Variants in UMAD1 observed in about 807,000 individuals in gnomAD.
UMAD1 encodes UBAP1-MVB12-associated (UMA)-domain containing protein 1.
Under a neutral mutation model 6.1 loss-of-function variants are expected in UMAD1, and 8 were observed. The ratio of observed to expected loss-of-function variants is 1.30; its 90% CI spans 0.76 to 2.35. The LOEUF is 2.35. Ranked by LOEUF, UMAD1 falls within the 30% of genes most tolerant of loss-of-function variation. The pLI, the probability that UMAD1 is intolerant of heterozygous loss-of-function variation, is 0.00. For synonymous variants in UMAD1, 56 were observed against 31.4 expected (o/e 1.78, Z -2.61); for missense variants, 130 against 78.4 (o/e 1.66, Z -2.49).
intron 2 of UMAD1, chr7:7,687,384 A>G (rs28912731): frequency 2.6e-5 from 4 of 152,200 alleles, no homozygotes; most frequent in East Asian, 1.9e-4. Context: ...GACCCTGGGC[A>G]GTTCAGTGAA....
At chr7:7,863,676 G>A (rs2348764) in intron 3 of UMAD1, among the ~76,000 whole-genome samples, 122,546 of 152,076 alleles carry the variant, frequency 0.81, 50,044 homozygotes, top group African/African-American at 0.93. Context: ...TTTCCTTCTT[G>A]CATCAAGAGC....
At chr7:7,803,015 CTG>C (rs1782833425) in intron 3 of UMAD1, among the ~76,000 whole-genome samples, 1 of 152,176 alleles carries the variant, frequency 6.6e-6, no homozygotes, top group African/African-American at 2.4e-5. Flanking sequence ...TCTCATGAAA[CTG>C]TGCATTCATT....
chr7:7,863,115 T>A (rs1784145929), intron 3 of UMAD1, among the ~76,000 whole-genome samples: 1 of 152,224 alleles, frequency 6.6e-6, no homozygotes, highest in Non-Finnish European at 1.5e-5. Context: ...ACACAGGGGA[T>A]ACATACTTGT....
intron 1 of UMAD1, among the ~76,000 whole-genome samples, chr7:7,665,019 A>ACG (rs1563099455): frequency 3.5e-5 from 5 of 141,910 alleles, no homozygotes; most frequent in African/African-American, 1.3e-4. Context: ...ATATATACAC[A>ACG]CACACACACA....
chr7:7,748,462 A>G (rs1246213102), intron 2 of UMAD1, among the ~76,000 whole-genome samples: 2 of 152,134 alleles, frequency 1.3e-5, no homozygotes, highest in Non-Finnish European at 2.9e-5. Flanking sequence ...GAACTAGATA[A>G]CCATTTCCAG....
intron 3 of UMAD1, chr7:7,868,590 A>C (rs1250365995): frequency 6.6e-6 from 1 of 152,082 alleles, no homozygotes; most frequent in Non-Finnish European, 1.5e-5. Flanking sequence ...CTGAAAAAAA[A>C]AAAATCATGA....
chr7:7,779,071 A>C (rs1391922813), intron 2 of UMAD1, among the ~76,000 whole-genome samples: 2 of 152,202 alleles, frequency 1.3e-5, no homozygotes, highest in African/African-American at 2.4e-5. Context: ...ATCATATGGT[A>C]GAAATGCTAC....
chr7:7,643,281 C>T (rs970561104), intron 1 of UMAD1, among the ~76,000 whole-genome samples: 6 of 152,092 alleles, frequency 3.9e-5, no homozygotes, highest in Non-Finnish European at 7.4e-5. Context: ...TACACTCCAC[C>T]GGAAAAAGGA....
intron 2 of UMAD1, among the ~76,000 whole-genome samples, chr7:7,691,331 T>C (rs1250099366): frequency 6.6e-6 from 1 of 152,228 alleles, no homozygotes; most frequent in African/African-American, 2.4e-5. Context: ...TCTTTAGATA[T>C]TTGTAGTCGT....
intron 3 of UMAD1, among the ~76,000 whole-genome samples, chr7:7,819,782 A>G (rs953072349): frequency 1.3e-5 from 2 of 152,230 alleles, no homozygotes; most frequent in African/African-American, 4.8e-5. Flanking sequence ...TTAATAAATT[A>G]TTAATACAGT....
intron 3 of UMAD1, among the ~76,000 whole-genome samples, chr7:7,821,534 A>T (rs950476588): frequency 6.6e-6 from 1 of 152,224 alleles, no homozygotes; most frequent in African/African-American, 2.4e-5. Flanking sequence ...TAATATGTAC[A>T]GTAAATATCA....
intron 2 of UMAD1, among the ~76,000 whole-genome samples, chr7:7,684,906 A>T (rs551388326): frequency 2.8e-4 from 42 of 152,314 alleles, no homozygotes; most frequent in African/African-American, 9.4e-4. Context: ...TCCATACAAC[A>T]TCTGTAGGGA....
intron 3 of UMAD1, among the ~76,000 whole-genome samples, chr7:7,856,169 C>T (rs937981823): frequency 1.3e-5 from 2 of 152,208 alleles, no homozygotes; most frequent in Non-Finnish European, 2.9e-5. Context: ...AAAGTTGCTT[C>T]CACATTATCA....
intron 2 of UMAD1, among the ~76,000 whole-genome samples, chr7:7,700,204 C>T (rs1489583523): frequency 6.6e-6 from 1 of 152,158 alleles, no homozygotes. Flanking sequence ...GGCCTTCTTT[C>T]TGTTCATAGA....
At chr7:7,737,214 C>A (rs1781377151) in intron 2 of UMAD1, among the ~76,000 whole-genome samples, 1 of 152,228 alleles carries the variant, frequency 6.6e-6, no homozygotes, top group Non-Finnish European at 1.5e-5. Context: ...CTCAGCTCTG[C>A]CACTTGCCAG....
intron 2 of UMAD1, among the ~76,000 whole-genome samples, chr7:7,688,456 T>C (rs1161909584): frequency 2.6e-5 from 4 of 152,192 alleles, no homozygotes; most frequent in African/African-American, 9.7e-5. Flanking sequence ...ATTATCCGAA[T>C]CCAAGGTGTT....
chr7:7,731,236 G>A (rs1435418920), intron 2 of UMAD1, among the ~76,000 whole-genome samples: 1 of 152,040 alleles, frequency 6.6e-6, no homozygotes, highest in Non-Finnish European at 1.5e-5. Context: ...TCTTGACCTC[G>A]TGATCCACCT....
At chr7:7,815,170 G>A (rs1045827117) in intron 3 of UMAD1, among the ~76,000 whole-genome samples, 3 of 152,146 alleles carry the variant, frequency 2.0e-5, no homozygotes, top group Admixed American at 1.3e-4. Flanking sequence ...AACCCTTGCT[G>A]TAGTATGGAT....
intron 2 of UMAD1, among the ~76,000 whole-genome samples, chr7:7,774,025 G>C (rs1391123117): frequency 6.6e-6 from 1 of 152,154 alleles, no homozygotes; most frequent in Non-Finnish European, 1.5e-5. Context: ...AAAACACTGA[G>C]AATCAGGCCA....
Sources: gnomAD v4.1 joint callset for allele counts (sites outside exome capture counted in the v4.1 genomes callset) on GRCh38, gnomAD v4.1.1 for gene constraint, MANE v1.5 for transcripts, NCBI Gene and HGNC (gene_info 2026-07-23, HGNC 2026-07-21) for gene names.